The following PCDH9 variants were observed in gnomAD, a reference collection of about 807,000 sequenced individuals.
PCDH9 encodes the protein protocadherin-9.
A neutral mutation model predicts 70.6 loss-of-function variants in PCDH9; 24 were observed. The observed-to-expected ratio is 0.34, with a 90% confidence interval of 0.25 to 0.48. The LOEUF is 0.48. Ranked by LOEUF, PCDH9 falls within the 20% of genes least tolerant of loss-of-function variation. The pLI is 0.99. For missense variants in PCDH9, 1,281 were observed against 1,503.6 expected (o/e 0.85, Z 2.45); for synonymous variants, 562 against 558.5 (o/e 1.01, Z -0.09).
intron 3 of PCDH9, among the ~76,000 whole-genome samples, chr13:66,699,483 T>C (rs1209716783): frequency 6.6e-6 from 1 of 152,100 alleles, no homozygotes; most frequent in Non-Finnish European, 1.5e-5. Flanking sequence ...GGACCCTCAA[T>C]TCAATGACAA....
chr13:67,199,338 G>A (rs1421331872), intron 2 of PCDH9, among the ~76,000 whole-genome samples: 1 of 151,508 alleles, frequency 6.6e-6, no homozygotes, highest in Non-Finnish European at 1.5e-5. Context: ...GCTGTTTAAA[G>A]GTTAGTCATA....
intron 4 of PCDH9, among the ~76,000 whole-genome samples, chr13:66,503,367 T>C (rs1959187076): frequency 7.0e-6 from 1 of 142,788 alleles, no homozygotes; most frequent in Admixed American, 6.7e-5. Flanking sequence ...GGGAGACTGT[T>C]TGATTTAGTA....
chr13:66,846,877 C>T (rs79426753), intron 3 of PCDH9, among the ~76,000 whole-genome samples: 2,324 of 114,918 alleles, frequency 0.02, 75 homozygotes, highest in African/African-American at 0.065. Context: ...CTCTCCCTTT[C>T]TCATAATACA....
At chr13:67,164,465 C>T (rs1240553618) in intron 2 of PCDH9, among the ~76,000 whole-genome samples, 1 of 151,408 alleles carries the variant, frequency 6.6e-6, no homozygotes, top group Non-Finnish European at 1.5e-5. Flanking sequence ...ATCCCAGCTA[C>T]TTGGGAGGCT....
chr13:66,613,912 T>C (rs533986430), intron 4 of PCDH9, among the ~76,000 whole-genome samples: 1 of 152,330 alleles, frequency 6.6e-6, no homozygotes, highest in African/African-American at 2.4e-5. Context: ...GCAGGTCAGA[T>C]GCAAGTTTTG....
intron 4 of PCDH9, among the ~76,000 whole-genome samples, chr13:66,441,528 A>G (rs148714092): frequency 6.6e-6 from 1 of 152,158 alleles, no homozygotes; most frequent in Non-Finnish European, 1.5e-5. Context: ...GATTTTTCTT[A>G]AATCATTGTA....
intron 3 of PCDH9, among the ~76,000 whole-genome samples, chr13:66,855,316 T>C (rs1464412953): frequency 1.3e-5 from 2 of 152,072 alleles, no homozygotes; most frequent in African/African-American, 4.8e-5. Flanking sequence ...AGCTCCAACC[T>C]TTGCCTTACA....
At position 66,455,002 on chromosome 13, in the gene PCDH9, T is replaced by A. The variant is rs571429964; in HGVS notation, c.3341-149974A>T. 1.9e-3 allele frequency among the ~76,000 whole-genome samples: 284 copies of A among 152,144 alleles called. 1 individual carries two copies. Among genetic ancestry groups the A allele is most frequent in the African/African-American group, 6.6e-3 (275 of 41,558 alleles). On this transcript the variant is annotated intron_variant, in intron 4 of 4. Coordinates refer to ENST00000377865, the MANE Select transcript of PCDH9 (RefSeq NM_203487.3). Reference sequence around the variant, plus strand: ...GTAGGAAAGCATTTTATAAAAAAAATTACTTGAGTTGATTTTATTTCTTAC... The same window carrying A: ...GTAGGAAAGCATTTTATAAAAAAAAATACTTGAGTTGATTTTATTTCTTAC...
At chr13:66,558,499 A>C (rs1208840033) in intron 4 of PCDH9, among the ~76,000 whole-genome samples, 1 of 152,084 alleles carries the variant, frequency 6.6e-6, no homozygotes, top group Non-Finnish European at 1.5e-5. Context: ...CAAAGTACAC[A>C]GAAAAATATT....
chr13:66,685,364 C>T (rs189901034), intron 3 of PCDH9, among the ~76,000 whole-genome samples: 6 of 152,318 alleles, frequency 3.9e-5, no homozygotes, highest in Non-Finnish European at 8.8e-5. Context: ...GTTGGGCCTG[C>T]AAGTGCACCG....
chr13:66,562,791 G>C (rs528459569), intron 4 of PCDH9, among the ~76,000 whole-genome samples: 1 of 152,038 alleles, frequency 6.6e-6, no homozygotes, highest in Non-Finnish European at 1.5e-5. Flanking sequence ...AGTGGATGGA[G>C]AGTCATGAAA....
intron 3 of PCDH9, among the ~76,000 whole-genome samples, chr13:66,756,249 G>A (rs1466751603): frequency 1.3e-5 from 2 of 152,126 alleles, no homozygotes; most frequent in Non-Finnish European, 2.9e-5. Flanking sequence ...ATACAAACAT[G>A]TTAAAGAAAT....
chr13:67,170,990 G>C (rs1055262154), intron 2 of PCDH9, among the ~76,000 whole-genome samples: 1 of 152,084 alleles, frequency 6.6e-6, no homozygotes, highest in Non-Finnish European at 1.5e-5. Context: ...TCATAACTCA[G>C]AGAAAAATAT....
At chr13:66,329,421 T>C (rs1018222136) in intron 4 of PCDH9, among the ~76,000 whole-genome samples, 3 of 152,220 alleles carry the variant, frequency 2.0e-5, no homozygotes, top group African/African-American at 7.2e-5. Context: ...TTCAAGTATA[T>C]AATTTCAACT....
intron 2 of PCDH9, among the ~76,000 whole-genome samples, chr13:67,145,960 A>G (rs1272547679): frequency 6.6e-6 from 1 of 152,120 alleles, no homozygotes; most frequent in East Asian, 1.9e-4. Context: ...CTTAATATCT[A>G]TAATCAGAAA....
chr13:67,174,406 T>G (rs74093411), intron 2 of PCDH9, among the ~76,000 whole-genome samples: 1 of 152,086 alleles, frequency 6.6e-6, no homozygotes, highest in Non-Finnish European at 1.5e-5. Context: ...TACAGAAAGC[T>G]CAGTTAAGAA....
chr13:66,490,135 T>C (rs1322609208), intron 4 of PCDH9, among the ~76,000 whole-genome samples: 1 of 152,204 alleles, frequency 6.6e-6, no homozygotes, highest in East Asian at 1.9e-4. Context: ...GAAATATTTC[T>C]AAATCTTGTA....
chr13:67,059,604 A>G (rs2085496825), intron 2 of PCDH9, among the ~76,000 whole-genome samples: 1 of 151,532 alleles, frequency 6.6e-6, no homozygotes, highest in African/African-American at 2.4e-5. Context: ...GAGTCCAGGC[A>G]CATACGGCTC....
At position 66,887,257 on chromosome 13, in the gene PCDH9, T is replaced by C. The variant is rs531318383; in HGVS notation, c.3138+16247A>G. ...AGCTGAGCAGCTTCAGTATCATTAG[T>C]GGGATGATGGTATTTCAGTTCCTCT... On this transcript the variant is annotated intron_variant, in intron 3 of 4. Transcript: ENST00000377865. Among the ~76,000 whole-genome samples the C allele has an allele frequency of 2.0e-5, 3 of 152,198 alleles. No individual in the cohort carries two copies. In the South Asian group the frequency reaches 6.2e-4, roughly 32 times the overall value.
Sources: allele counts gnomAD v4.1 joint callset (sites outside exome capture counted in the v4.1 genomes callset), GRCh38; gene constraint gnomAD v4.1.1; transcripts MANE v1.5; gene names NCBI Gene and HGNC (gene_info 2026-07-23, HGNC 2026-07-21).